CCL17: variants seen among roughly 807,000 people sequenced by gnomAD.
CCL17 encodes the protein C-C motif chemokine 17.
In CCL17, 8 loss-of-function variants were observed where a neutral mutation model predicts 7.4. The ratio of observed to expected loss-of-function variants is 1.09; its 90% CI spans 0.64 to 1.96. The LOEUF is 1.96. CCL17 is among the 30% of genes most tolerant of loss of function. CCL17 has a pLI of 0.00. For missense variants in CCL17, 102 were observed against 113.0 expected (o/e 0.90, Z 0.44); for synonymous variants, 40 against 46.1 (o/e 0.87, Z 0.54).
intron 1 of CCL17, among the ~76,000 whole-genome samples, chr16:57,411,070 C>T (rs1902777019): frequency 6.6e-6 from 1 of 152,234 alleles, no homozygotes; most frequent in Non-Finnish European, 1.5e-5. Flanking sequence ...AATGTCCTTT[C>T]TTCCAATCTC....
intron 1 of CCL17, among the ~76,000 whole-genome samples, 157 bp downstream of exon 1, chr16:57,404,993 C>A (rs1261101660): frequency 6.6e-6 from 1 of 152,120 alleles, no homozygotes; most frequent in Non-Finnish European, 1.5e-5. Flanking sequence ...AAGCAGCAAA[C>A]CAAGTCACAA....
intron 1 of CCL17, among the ~76,000 whole-genome samples, chr16:57,410,408 C>A (rs1171190045): frequency 6.6e-6 from 1 of 152,172 alleles, no homozygotes; most frequent in Non-Finnish European, 1.5e-5. Context: ...CCACTCAGAT[C>A]CAATTACCCT....
At position 57,415,661 on chromosome 16, in the gene CCL17, C is replaced by G. The variant is rs1390968525; in HGVS notation, c.189-104C>G. On this transcript the variant is annotated intron_variant, in intron 3 of 3. Coordinates refer to ENST00000219244, the MANE Select transcript of CCL17 (RefSeq NM_002987.3). This position sits in a 1 kb window ranked among gnomAD's most constrained non-coding sequence, Gnocchi z 4.5. The stretch of plus-strand genomic sequence containing the variant: ...GTGTGACAGCAGCAACTTCCTGCCC[C>G]TCTTGGAGCCTTGGAATCCTGGTCA... The G allele has an allele frequency of 4.1e-6, 3 of 739,534 alleles. No homozygotes were observed. Among genetic ancestry groups the G allele is most frequent in the Admixed American group, 2.0e-5 (1 of 49,318 alleles). 45.8% of individuals were successfully genotyped at this position (739,534 alleles called of 1,614,324 possible).
rs541560238 is a variant in CCL17, at chr16:57,405,915, G to A, written c.-60+1079G>A. Among the ~76,000 whole-genome samples the A allele has an allele frequency of 1.9e-3, 294 of 151,946 alleles. 1 individual carries two copies. Among genetic ancestry groups the A allele is most frequent in the African/African-American group, 6.7e-3 (276 of 41,440 alleles). Reference sequence around the variant, plus strand: ...AAATTAGCCGGGCATGGTGGCGGGCGCCTGTAGTCCCAGCTACTTGGGAGG... The same window carrying A: ...AAATTAGCCGGGCATGGTGGCGGGCACCTGTAGTCCCAGCTACTTGGGAGG... On this transcript the variant is annotated intron_variant, in intron 1 of 3. Transcript: ENST00000219244.
At chr16:57,414,565 C>T (rs1459364788) in intron 2 of CCL17, among the ~76,000 whole-genome samples, 2 of 151,780 alleles carry the variant, frequency 1.3e-5, no homozygotes, top group South Asian at 4.2e-4. Flanking sequence ...AATATAGGTG[C>T]CCGGCCACCA....
chr16:57,413,886 A>G lies in CCL17; in HGVS notation c.-47A>G. On this transcript the variant is annotated 5_prime_UTR_variant, in exon 2 of 4. Transcript: ENST00000219244. ...CGACTCTCAGCAGGGTGTCTCCCTGAGCAGAGGGACCTGCACACAGAGACT... is the reference window on the plus strand; with the variant it reads ...CGACTCTCAGCAGGGTGTCTCCCTGGGCAGAGGGACCTGCACACAGAGACT... 1 of 1,536,210 alleles carries G rather than the reference A, an allele frequency of 6.5e-7. No homozygotes were observed. Among genetic ancestry groups the G allele is most frequent in the South Asian group, 1.2e-5 (1 of 84,628 alleles).
chr16:57,411,705 G>A (rs1016658047), intron 1 of CCL17, among the ~76,000 whole-genome samples: 11 of 152,224 alleles, frequency 7.2e-5, no homozygotes, highest in Non-Finnish European at 1.3e-4. Flanking sequence ...AGGGGTGGTC[G>A]GCGGAGGCGC....
At position 57,415,637 on chromosome 16, in the gene CCL17, T is replaced by C; in HGVS notation, c.189-128T>C. On this transcript the variant is annotated intron_variant, in intron 3 of 3. Transcript: ENST00000219244. This position sits in a 1 kb window ranked among gnomAD's most constrained non-coding sequence, Gnocchi z 4.5. ...TCCCAGATCTGCCACCAATGCCCTGTGTGACAGCAGCAACTTCCTGCCCCT... is the reference window on the plus strand; with the variant it reads ...TCCCAGATCTGCCACCAATGCCCTGCGTGACAGCAGCAACTTCCTGCCCCT... The C allele has an allele frequency of 4.5e-6, 3 of 660,712 alleles. No individual in the cohort carries two copies. The South Asian group carries it at 5.1e-5, about 11-fold the overall frequency. 40.9% of individuals were successfully genotyped at this position (660,712 alleles called of 1,614,324 possible).
intron 1 of CCL17, among the ~76,000 whole-genome samples, chr16:57,407,354 G>A (rs1417808896): frequency 2.0e-5 from 3 of 152,186 alleles, no homozygotes; most frequent in Non-Finnish European, 4.4e-5. Context: ...ACTAGATGGG[G>A]GAGGAGTCAG....
the CCL17 span, among the ~76,000 whole-genome samples, chr16:57,397,518 G>C: frequency 6.6e-6 from 1 of 152,182 alleles, no homozygotes; most frequent in Non-Finnish European, 1.5e-5. Flanking sequence ...CAGCAATTTT[G>C]ACCTCAGCGT....
chr16:57,410,188 G>A (rs1902761800), intron 1 of CCL17, among the ~76,000 whole-genome samples: 1 of 152,174 alleles, frequency 6.6e-6, no homozygotes, highest in African/African-American at 2.4e-5. Flanking sequence ...TTCTCCACGA[G>A]CCTGGGCAGA....
chr16:57,408,874 A>AT (rs1201049434), intron 1 of CCL17, among the ~76,000 whole-genome samples: 7 of 151,164 alleles, frequency 4.6e-5, no homozygotes, highest in Middle Eastern at 3.4e-3. Context: ...GCGCCTGGTC[A>AT]TTTTTTTGCA....
chr16:57,402,408 C>G (rs1438451537), upstream of CCL17, among the ~76,000 whole-genome samples: 6 of 152,196 alleles, frequency 3.9e-5, no homozygotes, highest in African/African-American at 1.4e-4. Context: ...GTCACTGACC[C>G]TGGTGCTGAA....
upstream of CCL17, among the ~76,000 whole-genome samples, chr16:57,399,896 C>G (rs1396765612): frequency 6.6e-6 from 1 of 152,110 alleles, no homozygotes; most frequent in East Asian, 1.9e-4. Flanking sequence ...CAGTCTAGGT[C>G]CTGCTGCTCC....
chr16:57,401,514 ACT>A (rs1401284561), upstream of CCL17, among the ~76,000 whole-genome samples: 6 of 149,198 alleles, frequency 4.0e-5, no homozygotes, highest in Non-Finnish European at 8.9e-5. Flanking sequence ...ACAGAGCAAG[ACT>A]CTGTCTGGAA....
the CCL17 span, among the ~76,000 whole-genome samples, chr16:57,399,307 G>A: frequency 2.0e-5 from 3 of 152,152 alleles, no homozygotes; most frequent in Non-Finnish European, 2.9e-5. Context: ...CCACATGGCT[G>A]GGGCCCTCTT....
the CCL17 span, among the ~76,000 whole-genome samples, chr16:57,396,404 C>T: frequency 1.3e-5 from 2 of 152,168 alleles, no homozygotes; most frequent in South Asian, 4.1e-4. Context: ...TCCCATACTC[C>T]TAGAGTACTT....
In CCL17 at chr16:57,415,725, C is replaced by G. The variant is rs1304250709; in HGVS notation, c.189-40C>G. The G allele has an allele frequency of 2.3e-6, 3 of 1,325,920 alleles. No individual in the cohort carries two copies. Among genetic ancestry groups the G allele is most frequent in the Non-Finnish European group, 3.3e-6 (3 of 918,608 alleles). The allele number at this position is 1,325,920 out of a possible 1,614,324, so 82.1% of individuals were successfully genotyped here. A position where few individuals can be genotyped will look rare whatever the true frequency, so the allele number is the denominator to read the frequency against. ...CGTCCCAGGGACTCTGGGGGCCCTT[C>G]CCCCCCTGCCACTCCTGGTAACGTC... On this transcript the variant is annotated intron_variant, in intron 3 of 3. Transcript: ENST00000219244. The surrounding 1 kb of genome is among the most constrained non-coding windows in gnomAD (Gnocchi z 4.5).
intron 1 of CCL17, among the ~76,000 whole-genome samples, chr16:57,406,922 G>A (rs1049843213): frequency 8.5e-5 from 13 of 152,182 alleles, no homozygotes; most frequent in Non-Finnish European, 1.8e-4. Flanking sequence ...TAAGGCAGTG[G>A]GAGGTTCAGG....
Sources: gnomAD v4.1 joint callset for allele counts (sites outside exome capture counted in the v4.1 genomes callset) on GRCh38, gnomAD v4.1.1 for gene constraint, Gnocchi (gnomAD v3.1) non-coding constraint, MANE v1.5 for transcripts, NCBI Gene and HGNC (gene_info 2026-07-23, HGNC 2026-07-21) for gene names.